SLC36A4: variants seen among roughly 807,000 people sequenced by gnomAD.
The protein encoded by SLC36A4 is neutral amino acid uniporter 4.
Under a neutral mutation model 50.5 loss-of-function variants are expected in SLC36A4, and 49 were observed. The observed-to-expected ratio is 0.97, with a 90% CI of 0.77 to 1.23. SLC36A4 has a LOEUF of 1.23. SLC36A4 is among the 50% of genes most tolerant of loss of function. The pLI, the probability that SLC36A4 is intolerant of heterozygous loss-of-function variation, is 0.00. For missense variants in SLC36A4, 611 were observed against 608.4 expected (o/e 1.00, Z -0.05); for synonymous variants, 207 against 206.5 (o/e 1.00, Z -0.02).
intron 10 of SLC36A4, chr11:93,152,043 T>C (rs1860112195): frequency 6.6e-6 from 1 of 152,060 alleles, no homozygotes; most frequent in African/African-American, 2.4e-5. Context: ...AAGAAGATAT[T>C]TTGAGATCAT....
rs1292612662 is a variant in SLC36A4, at chr11:93,197,906, G to A, written c.-74C>T. 2 of 1,429,136 alleles carry A rather than the reference G, an allele frequency of 1.4e-6. No homozygotes were observed. Among genetic ancestry groups the A allele is most frequent in the Admixed American group, 2.4e-5 (1 of 42,426 alleles). 88.5% of individuals were successfully genotyped at this position (1,429,136 alleles called of 1,614,324 possible). Reference sequence around the variant, plus strand: ...CGCTGCGTGGCCGGCGTCAGGCCCAGGCCTACCTCCCCTGCCCGGAGGGAC... The same window carrying A: ...CGCTGCGTGGCCGGCGTCAGGCCCAAGCCTACCTCCCCTGCCCGGAGGGAC... On this transcript the variant is annotated 5_prime_UTR_variant, in exon 1 of 11. Coordinates refer to ENST00000326402, the MANE Select transcript of SLC36A4 (RefSeq NM_152313.4).
At chr11:93,148,928 A>T in intron 10 of SLC36A4, 84 bp from the exon 11 acceptor site, 4 of 1,217,864 alleles carry the variant, frequency 3.3e-6, no homozygotes, top group Non-Finnish European at 4.6e-6. Flanking sequence ...TTCAATACTG[A>T]AAGTAATTAC....
intron 9 of SLC36A4, among the ~76,000 whole-genome samples, chr11:93,161,743 A>G (rs1487734595): frequency 2.0e-5 from 3 of 152,188 alleles, no homozygotes; most frequent in East Asian, 1.9e-4. Context: ...CAATAATTCA[A>G]TCAGCGATTC....
chr11:93,162,979 T>A (rs1478069172), intron 8 of SLC36A4, 104 bp from the exon 9 acceptor site: 1 of 974,230 alleles, frequency 1.0e-6, no homozygotes, highest in Non-Finnish European at 1.5e-6. Flanking sequence ...ATATGCAAAT[T>A]TTTTTCCTTT....
At chr11:93,177,619 G>A (rs1403204546) in intron 6 of SLC36A4, among the ~76,000 whole-genome samples, 1 of 152,166 alleles carries the variant, frequency 6.6e-6, no homozygotes, top group Non-Finnish European at 1.5e-5. Context: ...CAGGTCTGTT[G>A]GAGTTTGCTG....
chr11:93,163,499 T>G (rs530863695), intron 8 of SLC36A4, among the ~76,000 whole-genome samples: 1 of 152,328 alleles, frequency 6.6e-6, no homozygotes, highest in Non-Finnish European at 1.5e-5. Context: ...GTTTTTCTCA[T>G]GACTGGACTG....
At chr11:93,154,408 C>T (rs1860251120) in intron 9 of SLC36A4, 131 bp from the exon 10 acceptor site, 2 of 419,078 alleles carry the variant, frequency 4.8e-6, no homozygotes, top group Non-Finnish European at 8.2e-6. Context: ...ACTAAAAATG[C>T]TTGTTTGTAA....
intron 10 of SLC36A4, among the ~76,000 whole-genome samples, chr11:93,153,392 C>T (rs1228707786): frequency 6.6e-6 from 1 of 152,014 alleles, no homozygotes; most frequent in Non-Finnish European, 1.5e-5. Context: ...TTTCTAACCC[C>T]ATCAAAATGC....
At chr11:93,169,851 C>A in intron 6 of SLC36A4, among the ~76,000 whole-genome samples, 1 of 151,884 alleles carries the variant, frequency 6.6e-6, no homozygotes. Flanking sequence ...TTACTTAGAG[C>A]CAAATACTTC....
intron 1 of SLC36A4, among the ~76,000 whole-genome samples, chr11:93,189,027 T>C (rs1393711000): frequency 6.6e-6 from 1 of 152,048 alleles, no homozygotes; most frequent in Non-Finnish European, 1.5e-5. Flanking sequence ...ACCAGTCATA[T>C]TGGATTAGGG....
At position 93,146,538 on chromosome 11, in the gene SLC36A4, C is replaced by T. The variant is rs1859848344; in HGVS notation, c.*1999G>A. 6.6e-6 allele frequency: 1 copy of T among 151,906 alleles called. No individual in the cohort carries two copies. The highest frequency in any genetic ancestry group is 2.4e-5 in the African/African-American group (1 of 41,424). 9.4% of individuals were successfully genotyped at this position (151,906 alleles called of 1,614,324 possible). ...GTGAATGGTTAAAAAAGTTTTGATTCTTATGACTTTGTACCAAAATAAAGC... is the reference window on the plus strand; with the variant it reads ...GTGAATGGTTAAAAAAGTTTTGATTTTTATGACTTTGTACCAAAATAAAGC... On this transcript the variant is annotated 3_prime_UTR_variant, in exon 11 of 11. Coordinates refer to ENST00000326402, the MANE Select transcript of SLC36A4 (RefSeq NM_152313.4).
intron 3 of SLC36A4, among the ~76,000 whole-genome samples, chr11:93,184,199 C>CT (rs201390148): frequency 0.015 from 2,285 of 151,656 alleles, 33 homozygotes; most frequent in South Asian, 0.089. Context: ...AGGTTTGTGG[C>CT]TTTTTTTTGG....
chr11:93,196,039 T>C (rs1426636941), intron 1 of SLC36A4, among the ~76,000 whole-genome samples: 1 of 152,238 alleles, frequency 6.6e-6, no homozygotes, highest in African/African-American at 2.4e-5. Flanking sequence ...CAGGAATTTT[T>C]ATCTGTTTTG....
At chr11:93,181,580 T>C (rs1000539300) in intron 5 of SLC36A4, 111 bp downstream of exon 5, 5 of 810,074 alleles carry the variant, frequency 6.2e-6, no homozygotes, top group Non-Finnish European at 8.6e-6. Context: ...GGGTTACATA[T>C]GTTTATTCCC....
intron 1 of SLC36A4, among the ~76,000 whole-genome samples, chr11:93,196,985 T>C (rs1050254245): frequency 1.3e-5 from 2 of 152,216 alleles, no homozygotes; most frequent in African/African-American, 2.4e-5. Context: ...AACAATTCCA[T>C]TGCAAAGTGC....
intron 6 of SLC36A4, among the ~76,000 whole-genome samples, chr11:93,180,500 A>G (rs1861689323): frequency 6.6e-6 from 1 of 152,120 alleles, no homozygotes; most frequent in South Asian, 2.1e-4. Flanking sequence ...ATGCTTCCAA[A>G]GCATCTATGT....
intron 9 of SLC36A4, chr11:93,160,775 T>C (rs1565219680): frequency 1.0e-6 from 1 of 964,596 alleles, no homozygotes; most frequent in African/African-American, 1.8e-5. Flanking sequence ...ACCTTTTACA[T>C]TTGGCATTAA....
At chr11:93,162,565 TC>T in intron 9 of SLC36A4, 140 bp downstream of exon 9, 1 of 709,720 alleles carries the variant, frequency 1.4e-6, no homozygotes, top group Non-Finnish European at 2.2e-6. Flanking sequence ...CACCTCTGCC[TC>T]CCAAAGTGAT....
chr11:93,175,107 T>C (rs1861393677), intron 6 of SLC36A4, among the ~76,000 whole-genome samples: 3 of 151,906 alleles, frequency 2.0e-5, no homozygotes, highest in African/African-American at 7.2e-5. Flanking sequence ...AACTATTGAT[T>C]ATTGCTACAA....
Sources: gnomAD v4.1 joint callset for allele counts (sites outside exome capture counted in the v4.1 genomes callset) on GRCh38, gnomAD v4.1.1 for gene constraint, MANE v1.5 for transcripts, NCBI Gene and HGNC (gene_info 2026-07-23, HGNC 2026-07-21) for gene names.